TIAM1: variants seen among roughly 807,000 people sequenced by gnomAD.
The protein encoded by TIAM1 is rho guanine nucleotide exchange factor TIAM1.
A neutral mutation model predicts 163.5 loss-of-function variants in TIAM1; 65 were observed. That is an observed-to-expected ratio of 0.40 (90% CI 0.33 to 0.49). The LOEUF is 0.49. Among genes scored for constraint, TIAM1 ranks in the 20% least tolerant of loss-of-function variants. The pLI is 0.77. For missense variants in TIAM1, 1,789 were observed against 2,044.7 expected (o/e 0.87, Z 2.41); for synonymous variants, 833 against 810.1 (o/e 1.03, Z -0.48).
At chr21:31,228,220 TAAAAAAAAAAAAAAAAAAAA>T (rs71191197) in intron 6 of TIAM1, among the ~76,000 whole-genome samples, 79 of 16,258 alleles carry the variant, frequency 4.9e-3, no homozygotes, top group Middle Eastern at 0.091. Context: ...CTCCTTTTTT[TAAAAAAAAAAAAAAAAAAAA>T]AAAAAAAAAA....
intron 2 of TIAM1, among the ~76,000 whole-genome samples, chr21:31,326,819 G>A (rs143392618): frequency 9.2e-5 from 14 of 152,262 alleles, no homozygotes; most frequent in African/African-American, 3.4e-4. Context: ...GTGCACTTGG[G>A]GTTTTAAGAT....
At chr21:31,469,232 A>C (rs1283218297) in intron 1 of TIAM1, among the ~76,000 whole-genome samples, 5 of 151,602 alleles carry the variant, frequency 3.3e-5, no homozygotes, top group African/African-American at 1.2e-4. Flanking sequence ...GACTACAGGC[A>C]CACGCCACCA....
At position 31,184,385 on chromosome 21, in the gene TIAM1, T is replaced by C. The variant is rs929001305; in HGVS notation, c.2663-1740A>G. ...CCTCCCAAAGTGCTGGGATTACAGG[T>C]GTGAGCCACCGTGCCCGGCCAATTC... On this transcript the variant is annotated intron_variant, in intron 14 of 27. Transcript: ENST00000541036. Among the ~76,000 whole-genome samples, 16 of 151,622 alleles carry C rather than the reference T, an allele frequency of 1.1e-4. No individual in the cohort carries two copies. In the East Asian group the frequency reaches 1.7e-3, roughly 16 times the overall value.
At chr21:31,392,570 C>CAAAAAAAAA (rs61454127) in intron 2 of TIAM1, among the ~76,000 whole-genome samples, 1 of 84,886 alleles carries the variant, frequency 1.2e-5, no homozygotes, top group Non-Finnish European at 2.3e-5. Flanking sequence ...AACTCTGTCT[C>CAAAAAAAAA]AAAAAAAAAA....
chr21:31,170,553 C>T (rs2084452545), intron 15 of TIAM1, among the ~76,000 whole-genome samples: 1 of 152,138 alleles, frequency 6.6e-6, no homozygotes, highest in African/African-American at 2.4e-5. Flanking sequence ...GATTAGGGTA[C>T]TTTACCTACC....
At chr21:31,282,952 T>C (rs1005633563) in intron 2 of TIAM1, among the ~76,000 whole-genome samples, 1 of 152,258 alleles carries the variant, frequency 6.6e-6, no homozygotes, top group African/African-American at 2.4e-5. Context: ...ACAATCAATA[T>C]GTTTAAGTCA....
In TIAM1 at chr21:31,266,695, C is replaced by G. The variant is rs371530269; in HGVS notation, c.278G>C (p.Arg93Pro). Reference sequence around the variant, plus strand: ...CACAGGTCTCAAGCCCATGTCCACTCGGTCCACCCAGATGGGGCTCCCGAA... The same window carrying G: ...CACAGGTCTCAAGCCCATGTCCACTGGGTCCACCCAGATGGGGCTCCCGAA... Reference protein sequence around the residue: ...EDFGSPIWVDRVDMGLRPVSY... With the variant: ...EDFGSPIWVDPVDMGLRPVSY... Residue 93 changes from arginine to proline, a missense_variant, in exon 4 of 28, where the codon CGA (arginine) becomes CCA (proline). Arg to Pro is a moderately radical substitution (Grantham distance 103). Around this residue, in one of 5 missense-constraint regions of TIAM1, gnomAD observed 555 missense variants for 564.9 expected, o/e 0.98. Coordinates refer to ENST00000541036, the MANE Select transcript of TIAM1 (RefSeq NM_001353694.2). 3.7e-6 allele frequency: 6 copies of G among 1,614,092 alleles called. No homozygotes were observed. Among genetic ancestry groups the G allele is most frequent in the African/African-American group, 1.3e-5 (1 of 74,940 alleles).
At chr21:31,484,858 C>T (rs73343464) in intron 1 of TIAM1, among the ~76,000 whole-genome samples, 4,577 of 152,204 alleles carry the variant, frequency 0.03, 224 homozygotes, top group African/African-American at 0.1. Flanking sequence ...TGGGGCCTTT[C>T]GGAGGTGACT....
chr21:31,289,278 G>T (rs2073926451), intron 2 of TIAM1, among the ~76,000 whole-genome samples: 1 of 152,196 alleles, frequency 6.6e-6, no homozygotes, highest in African/African-American at 2.4e-5. Flanking sequence ...AAAGACATGG[G>T]TTAACTATGG....
chr21:31,380,253 G>C (rs1447616618), intron 2 of TIAM1, among the ~76,000 whole-genome samples: 1 of 152,072 alleles, frequency 6.6e-6, no homozygotes, highest in African/African-American at 2.4e-5. Context: ...GTGAGACTTT[G>C]TCTCAAACAA....
chr21:31,433,455 T>A (rs1034047592), intron 2 of TIAM1, among the ~76,000 whole-genome samples: 1 of 152,204 alleles, frequency 6.6e-6, no homozygotes, highest in Non-Finnish European at 1.5e-5. Flanking sequence ...TGAAAGTAAA[T>A]GGAATAATTA....
intron 2 of TIAM1, among the ~76,000 whole-genome samples, chr21:31,285,383 T>C (rs538226669): frequency 9.2e-5 from 14 of 152,276 alleles, no homozygotes; most frequent in African/African-American, 3.1e-4. Flanking sequence ...CAAGCACTGC[T>C]GGAAAGGTCA....
intron 1 of TIAM1, among the ~76,000 whole-genome samples, chr21:31,488,862 A>G (rs1043979954): frequency 6.6e-6 from 1 of 152,152 alleles, no homozygotes; most frequent in African/African-American, 2.4e-5. Context: ...ACATAGATAT[A>G]TAAGAGAAAA....
chr21:31,541,012 A>G (rs978642752), intron 1 of TIAM1, among the ~76,000 whole-genome samples: 1 of 152,216 alleles, frequency 6.6e-6, no homozygotes, highest in African/African-American at 2.4e-5. Context: ...ATGAAGACCA[A>G]TCAAGCTTCT....
chr21:31,532,805 C>G (rs766666261), intron 1 of TIAM1, among the ~76,000 whole-genome samples: 1 of 152,024 alleles, frequency 6.6e-6, no homozygotes, highest in Non-Finnish European at 1.5e-5. Context: ...AAAATTAGCC[C>G]GTGTGGTGGC....
chr21:31,423,717 A>C (rs954833792), intron 2 of TIAM1, among the ~76,000 whole-genome samples: 5 of 145,840 alleles, frequency 3.4e-5, no homozygotes, highest in Non-Finnish European at 7.6e-5. Context: ...AAAAAAAAAA[A>C]AAAAAAAAAA....
intron 2 of TIAM1, among the ~76,000 whole-genome samples, chr21:31,426,229 A>G (rs904001662): frequency 1.3e-5 from 2 of 151,990 alleles, no homozygotes; most frequent in Non-Finnish European, 2.9e-5. Flanking sequence ...ATGTCTTTGC[A>G]TAAGGGCCCG....
chr21:31,461,808 G>C (rs1311779713), intron 2 of TIAM1, among the ~76,000 whole-genome samples: 2 of 152,110 alleles, frequency 1.3e-5, no homozygotes, highest in African/African-American at 4.8e-5. Flanking sequence ...TGGGACCACA[G>C]GCATGCGCTA....
intron 2 of TIAM1, among the ~76,000 whole-genome samples, chr21:31,376,188 CAT>C (rs2076683925): frequency 1.3e-5 from 2 of 152,158 alleles, no homozygotes; most frequent in South Asian, 2.1e-4. Flanking sequence ...TGCTTCCCCA[CAT>C]AGAGCTAAAA....
Sources: allele counts gnomAD v4.1 joint callset (sites outside exome capture counted in the v4.1 genomes callset), GRCh38; gene constraint gnomAD v4.1.1; regional missense constraint gnomAD v4.1.1; transcripts MANE v1.5; gene names NCBI Gene and HGNC (gene_info 2026-07-23, HGNC 2026-07-21).